CSMD1: variants seen among roughly 807,000 people sequenced by gnomAD.
CSMD1 encodes the protein CUB and sushi domain-containing protein 1.
A neutral mutation model predicts 417.5 loss-of-function variants in CSMD1; 213 were observed. That is an observed-to-expected ratio of 0.51 (90% CI 0.46 to 0.57). The LOEUF (loss-of-function observed/expected upper bound fraction) is 0.57, where lower values mean the gene tolerates loss of function less well. Ranked by LOEUF, CSMD1 falls within the 20% of genes least tolerant of loss-of-function variation. The pLI is 0.00. For synonymous variants in CSMD1, 2,862 were observed against 1,736.8 expected (o/e 1.65, Z -16.11); for missense variants, 6,923 against 4,529.7 (o/e 1.53, Z -15.17).
At chr8:4,687,041 G>T (rs907987683) in intron 1 of CSMD1, among the ~76,000 whole-genome samples, 7 of 152,194 alleles carry the variant, frequency 4.6e-5, no homozygotes, top group African/African-American at 1.4e-4. Flanking sequence ...ATGCACCCAT[G>T]GCAGATGTCT....
intron 2 of CSMD1, among the ~76,000 whole-genome samples, chr8:4,565,962 C>G (rs1207253319): frequency 6.6e-6 from 1 of 151,358 alleles, no homozygotes; most frequent in Admixed American, 6.6e-5. Flanking sequence ...TCCTATTATT[C>G]TCAGTATAAT....
chr8:3,475,126 C>T (rs1301416187), intron 11 of CSMD1, among the ~76,000 whole-genome samples: 1 of 152,110 alleles, frequency 6.6e-6, no homozygotes, highest in Non-Finnish European at 1.5e-5. Context: ...TCCTGCTAAG[C>T]TAAGAGTCTT....
chr8:4,518,886 C>T (rs1277409366), intron 2 of CSMD1, among the ~76,000 whole-genome samples: 3 of 152,112 alleles, frequency 2.0e-5, no homozygotes, highest in Non-Finnish European at 4.4e-5. Flanking sequence ...CAAAGGTTTT[C>T]AAGTAAACAT....
chr8:4,841,911 C>CAA (rs397757527), intron 1 of CSMD1, among the ~76,000 whole-genome samples: 1,424 of 34,758 alleles, frequency 0.041, 346 homozygotes, highest in Middle Eastern at 0.062. Context: ...AACTCCGTCT[C>CAA]AAAAAAAAAA....
chr8:4,536,476 T>C lies in CSMD1; in HGVS notation c.302+100866A>G, dbSNP rs1321964708. ...TTTCAGCCTAGGTGCATCCTTCTTG[T>C]ACTTTCTCTACCTTGTCTTTTTCTC... On this transcript the variant is annotated intron_variant, in intron 2 of 69. Transcript: ENST00000635120. 2.0e-5 allele frequency among the ~76,000 whole-genome samples: 3 copies of C among 152,176 alleles called. No individual in the cohort carries two copies. In the East Asian group the frequency reaches 5.8e-4, roughly 29 times the overall value.
At chr8:4,363,909 G>A (rs1003301802) in intron 3 of CSMD1, among the ~76,000 whole-genome samples, 2 of 152,332 alleles carry the variant, frequency 1.3e-5, no homozygotes, top group African/African-American at 4.8e-5. Context: ...TAGAAAGGGT[G>A]TAGGGCAGGG....
intron 9 of CSMD1, among the ~76,000 whole-genome samples, chr8:3,575,693 G>C (rs950667106): frequency 6.8e-6 from 1 of 147,408 alleles, no homozygotes; most frequent in African/African-American, 2.5e-5. Flanking sequence ...CAAGTTTAAA[G>C]AAAGAAAATA....
chr8:3,676,435 C>T (rs1183033628), intron 7 of CSMD1, among the ~76,000 whole-genome samples: 1 of 152,156 alleles, frequency 6.6e-6, no homozygotes, highest in Non-Finnish European at 1.5e-5. Context: ...CCGATAAATG[C>T]TAACATTAGT....
chr8:4,809,761 TG>T (rs1445422904), intron 1 of CSMD1, among the ~76,000 whole-genome samples: 1 of 152,224 alleles, frequency 6.6e-6, no homozygotes, highest in Non-Finnish European at 1.5e-5. Context: ...AGATAATTCA[TG>T]TTTTTTTACA....
chr8:3,842,411 T>C (rs562116343), intron 5 of CSMD1, among the ~76,000 whole-genome samples: 1 of 152,308 alleles, frequency 6.6e-6, no homozygotes, highest in South Asian at 2.1e-4. Context: ...TGTGCATGTC[T>C]TATAGTCTCA....
chr8:4,032,844 G>C (rs1055107073), intron 3 of CSMD1, among the ~76,000 whole-genome samples: 20 of 152,192 alleles, frequency 1.3e-4, no homozygotes, highest in Middle Eastern at 6.8e-3. Flanking sequence ...TCTCAGCCAG[G>C]GTGATTCCAA....
chr8:3,980,248 C>T (rs1813747644), intron 5 of CSMD1, among the ~76,000 whole-genome samples: 1 of 152,154 alleles, frequency 6.6e-6, no homozygotes. Context: ...GGGAACTTAA[C>T]TATTAGGGGA....
chr8:4,920,888 A>G (rs377473285), intron 1 of CSMD1, among the ~76,000 whole-genome samples: 10 of 68,040 alleles, frequency 1.5e-4, no homozygotes, highest in East Asian at 9.0e-4. Context: ...AAAGAAAAGA[A>G]AAGAAAAGAA....
At chr8:3,473,330 A>G (rs1817215390) in intron 11 of CSMD1, among the ~76,000 whole-genome samples, 1 of 152,214 alleles carries the variant, frequency 6.6e-6, no homozygotes. Context: ...TAAGCCTGCT[A>G]TGTGACAGTT....
At chr8:3,217,216 C>T (rs1563152290) in intron 29 of CSMD1, among the ~76,000 whole-genome samples, 2 of 152,018 alleles carry the variant, frequency 1.3e-5, no homozygotes, top group Non-Finnish European at 2.9e-5. Context: ...ATCACTGCTC[C>T]AGGCTGCATG....
chr8:4,379,538 T>A (rs1284038836), intron 3 of CSMD1, among the ~76,000 whole-genome samples: 1 of 152,186 alleles, frequency 6.6e-6, no homozygotes, highest in Non-Finnish European at 1.5e-5. Flanking sequence ...ATATATAGGA[T>A]GTCTGTATTA....
intron 3 of CSMD1, among the ~76,000 whole-genome samples, chr8:4,077,147 G>C (rs564434623): frequency 1.1e-4 from 16 of 151,534 alleles, no homozygotes; most frequent in Non-Finnish European, 1.6e-4. Context: ...AAAGTTAAAT[G>C]ACGCATCCAA....
intron 3 of CSMD1, among the ~76,000 whole-genome samples, chr8:4,103,025 G>C (rs79200833): frequency 2.6e-5 from 4 of 152,128 alleles, no homozygotes; most frequent in African/African-American, 7.2e-5. Flanking sequence ...CTTTGACATT[G>C]TGAGTTGACT....
At chr8:3,526,380 C>G (rs1038858166) in intron 10 of CSMD1, among the ~76,000 whole-genome samples, 10 of 151,896 alleles carry the variant, frequency 6.6e-5, no homozygotes, top group Non-Finnish European at 1.2e-4. Flanking sequence ...GTAATAACGT[C>G]TTCTTCAATC....
Sources: gnomAD v4.1 joint callset for allele counts (sites outside exome capture counted in the v4.1 genomes callset) on GRCh38, gnomAD v4.1.1 for gene constraint, MANE v1.5 for transcripts, NCBI Gene and HGNC (gene_info 2026-07-23, HGNC 2026-07-21) for gene names.